The following GALNTL6 variants were observed in gnomAD, a reference collection of about 807,000 sequenced individuals.
GALNTL6 encodes the protein polypeptide N-acetylgalactosaminyltransferase-like 6.
A neutral mutation model predicts 73.7 loss-of-function variants in GALNTL6; 46 were observed. That is an observed-to-expected ratio of 0.62 (90% CI 0.49 to 0.80). The LOEUF (loss-of-function observed/expected upper bound fraction) is 0.80, where lower values mean the gene tolerates loss of function less well. Ranked by LOEUF, GALNTL6 falls within the 30% of genes least tolerant of loss-of-function variation. The pLI is 0.00. For missense variants in GALNTL6, 604 were observed against 755.0 expected (o/e 0.80, Z 2.34); for synonymous variants, 259 against 263.7 (o/e 0.98, Z 0.17).
intron 5 of GALNTL6, among the ~76,000 whole-genome samples, chr4:172,799,595 T>G (rs1186908193): frequency 6.6e-6 from 1 of 152,174 alleles, no homozygotes; most frequent in African/African-American, 2.4e-5. Context: ...AAAATTTATC[T>G]ATATATACAT....
chr4:172,722,491 A>G (rs1436853644), intron 5 of GALNTL6, among the ~76,000 whole-genome samples: 1 of 152,152 alleles, frequency 6.6e-6, no homozygotes, highest in Non-Finnish European at 1.5e-5. Flanking sequence ...TTCATAAAAT[A>G]GCTTGAGTGA....
intron 2 of GALNTL6, among the ~76,000 whole-genome samples, chr4:171,821,795 A>C (rs1734692404): frequency 6.6e-6 from 1 of 152,076 alleles, no homozygotes; most frequent in Admixed American, 6.6e-5. Flanking sequence ...GAGCAACGTC[A>C]CTGGTGTGTT....
chr4:172,997,613 A>G (rs1221385283), intron 10 of GALNTL6, among the ~76,000 whole-genome samples: 5 of 152,084 alleles, frequency 3.3e-5, no homozygotes, highest in Non-Finnish European at 1.5e-5. Flanking sequence ...AAAACTTTCT[A>G]TTTTGTGATA....
chr4:172,600,561 T>G (rs548063562), intron 5 of GALNTL6, among the ~76,000 whole-genome samples: 2 of 152,102 alleles, frequency 1.3e-5, no homozygotes, highest in Non-Finnish European at 2.9e-5. Context: ...CTCTAAGGAT[T>G]TTGCCCGATA....
chr4:171,921,237 A>G (rs549709295), intron 2 of GALNTL6, among the ~76,000 whole-genome samples: 1 of 152,224 alleles, frequency 6.6e-6, no homozygotes, highest in East Asian at 1.9e-4. Flanking sequence ...CTATGATTTT[A>G]TCAATACCAG....
chr4:172,380,169 G>A (rs1002120152), intron 5 of GALNTL6: 16 of 1,033,660 alleles, frequency 1.5e-5, no homozygotes, highest in South Asian at 2.5e-5. Flanking sequence ...GCCTGGATCC[G>A]TAGCAGAACT....
At chr4:172,823,285 A>G (rs1389846757) in intron 7 of GALNTL6, among the ~76,000 whole-genome samples, 1 of 152,198 alleles carries the variant, frequency 6.6e-6, no homozygotes, top group African/African-American at 2.4e-5. Context: ...CATTGCTAAA[A>G]TATCACCTTC....
At chr4:172,339,310 C>T (rs1476768693) in intron 4 of GALNTL6, among the ~76,000 whole-genome samples, 2 of 135,904 alleles carry the variant, frequency 1.5e-5, no homozygotes, top group Non-Finnish European at 3.3e-5. Context: ...CACACACACA[C>T]ACACAGAGTT....
chr4:172,644,361 A>G (rs910961063), intron 5 of GALNTL6, among the ~76,000 whole-genome samples: 12 of 151,988 alleles, frequency 7.9e-5, no homozygotes, highest in Non-Finnish European at 1.8e-4. Context: ...AGAACAAGAT[A>G]TAGAACATAC....
In GALNTL6 at chr4:172,294,444, C is replaced by T. The variant is rs573983339; in HGVS notation, c.248-17170C>T. 5.9e-5 allele frequency among the ~76,000 whole-genome samples: 9 copies of T among 152,188 alleles called. No homozygotes were observed. The East Asian group carries it at 1.5e-3, about 26-fold the overall frequency. ...GAAGATGCTAGCAGACCAAGTGAGACACATTTGGCAGTTGTGTTCCATTTA... is the reference window on the plus strand; with the variant it reads ...GAAGATGCTAGCAGACCAAGTGAGATACATTTGGCAGTTGTGTTCCATTTA... On this transcript the variant is annotated intron_variant, in intron 3 of 12. Transcript: ENST00000506823.
chr4:172,846,406 A>G (rs1743508378), intron 7 of GALNTL6, among the ~76,000 whole-genome samples: 1 of 152,212 alleles, frequency 6.6e-6, no homozygotes, highest in Middle Eastern at 3.2e-3. Flanking sequence ...CAGGAACATA[A>G]TCATCTCGTT....
At chr4:172,804,650 C>G (rs926693581) in intron 5 of GALNTL6, among the ~76,000 whole-genome samples, 2 of 152,224 alleles carry the variant, frequency 1.3e-5, no homozygotes, top group African/African-American at 4.8e-5. Flanking sequence ...CTCTCTAATA[C>G]TGATGGTCAC....
chr4:171,928,169 T>C (rs916495207), intron 2 of GALNTL6, among the ~76,000 whole-genome samples: 22 of 152,356 alleles, frequency 1.4e-4, no homozygotes, highest in South Asian at 1.2e-3. Context: ...GTGATATCTA[T>C]AAAATATTAT....
chr4:173,013,700 T>C (rs1416807001), intron 11 of GALNTL6, among the ~76,000 whole-genome samples: 1 of 152,046 alleles, frequency 6.6e-6, no homozygotes, highest in Non-Finnish European at 1.5e-5. Context: ...TACAGCTCTT[T>C]AAAAAGATTT....
intron 2 of GALNTL6, among the ~76,000 whole-genome samples, chr4:171,959,693 G>A (rs10019490): frequency 0.025 from 3,829 of 152,236 alleles, 150 homozygotes; most frequent in African/African-American, 0.088. Flanking sequence ...TAAAGAAAGA[G>A]AAATCTGTTT....
chr4:172,602,924 A>T (rs985244821), intron 5 of GALNTL6, among the ~76,000 whole-genome samples: 1 of 152,226 alleles, frequency 6.6e-6, no homozygotes, highest in Admixed American at 6.5e-5. Context: ...ACACAGAACA[A>T]TATGGGTGAA....
chr4:171,830,621 A>G (rs1734941667), intron 2 of GALNTL6, among the ~76,000 whole-genome samples: 1 of 152,174 alleles, frequency 6.6e-6, no homozygotes, highest in Non-Finnish European at 1.5e-5. Context: ...TTCCATTTGC[A>G]TATTTTTGTT....
At chr4:172,908,109 G>A (rs1747004253) in intron 8 of GALNTL6, among the ~76,000 whole-genome samples, 1 of 152,178 alleles carries the variant, frequency 6.6e-6, no homozygotes, top group African/African-American at 2.4e-5. Context: ...AATGACCCAT[G>A]TCCCAGGCAA....
At chr4:171,843,395 C>T (rs1579502781) in intron 2 of GALNTL6, among the ~76,000 whole-genome samples, 1 of 151,978 alleles carries the variant, frequency 6.6e-6, no homozygotes, top group Admixed American at 6.6e-5. Flanking sequence ...GGTGACAATG[C>T]CAAGATTGTT....
Sources: gnomAD v4.1 joint callset for allele counts (sites outside exome capture counted in the v4.1 genomes callset) on GRCh38, gnomAD v4.1.1 for gene constraint, MANE v1.5 for transcripts, NCBI Gene and HGNC (gene_info 2026-07-23, HGNC 2026-07-21) for gene names.